Variants in A1CF observed in about 807,000 individuals in gnomAD.
A1CF encodes the protein APOBEC-1 stimulating protein.
A1CF carries 48 observed loss-of-function variants against 68.9 expected under a neutral mutation model. That is an observed-to-expected ratio of 0.70 (90% CI 0.55 to 0.89). The LOEUF (loss-of-function observed/expected upper bound fraction) is 0.89. A1CF is among the 40% of genes least tolerant of loss of function. The pLI is 0.00. For synonymous variants in A1CF, 272 were observed against 260.4 expected (o/e 1.04, Z -0.43); for missense variants, 653 against 718.9 (o/e 0.91, Z 1.05).
At chr10:50,842,093 C>A in intron 4 of A1CF, 101 bp from the exon 5 acceptor site, 2 of 1,127,358 alleles carry the variant, frequency 1.8e-6, no homozygotes, top group Admixed American at 2.6e-5. Flanking sequence ...ACACACAATG[C>A]TTTCTGAAGT....
intron 5 of A1CF, among the ~76,000 whole-genome samples, chr10:50,841,131 T>C (rs1839755309): frequency 6.6e-6 from 1 of 152,192 alleles, no homozygotes; most frequent in Admixed American, 6.5e-5. Context: ...TAAAAAACTA[T>C]AAATGTAATC....
chr10:50,810,725 T>G (rs970380176), intron 11 of A1CF, among the ~76,000 whole-genome samples: 1 of 152,200 alleles, frequency 6.6e-6, no homozygotes, highest in African/African-American at 2.4e-5. Context: ...TTGGCCAGGT[T>G]GGTCTCAAAC....
intron 10 of A1CF, among the ~76,000 whole-genome samples, chr10:50,812,467 A>T (rs1268244974): frequency 6.6e-6 from 1 of 152,192 alleles, no homozygotes; most frequent in Non-Finnish European, 1.5e-5. Context: ...GACATGATGA[A>T]TTTCTAACTT....
intron 7 of A1CF, among the ~76,000 whole-genome samples, chr10:50,821,764 C>T (rs1037808577): frequency 1.3e-5 from 2 of 151,872 alleles, no homozygotes; most frequent in Middle Eastern, 3.2e-3. Flanking sequence ...CTCGAACTCC[C>T]GACCTCAGGT....
rs1837849581 is a variant in A1CF at position 50,806,839 on chromosome 10, G to C, written c.1651C>G (p.Gln551Glu). ...CCAAGGGTTACCGCTTGCTTGAGCT[G>C]GGCTGCAGACACGGGTGCAGTTGCA... is the stretch of plus-strand genomic sequence containing the variant. ...PNATAPVSAA[Q>E]LKQAVTLGQD... The change falls in exon 13 of 13, where the codon CAG becomes GAG. Residue 551 changes from glutamine (Q) to glutamate (E), a missense_variant. Transcript: ENST00000373997. The C allele has an allele frequency of 6.2e-7, 1 of 1,613,472 alleles. No homozygotes were observed. The highest frequency in any genetic ancestry group is 8.5e-7 in the Non-Finnish European group (1 of 1,179,652).
chr10:50,851,269 G>A (rs1840229197), intron 3 of A1CF, among the ~76,000 whole-genome samples: 1 of 152,122 alleles, frequency 6.6e-6, no homozygotes, highest in Non-Finnish European at 1.5e-5. Context: ...GTCCTGTAGG[G>A]GTGTGAGGGT....
intron 3 of A1CF, among the ~76,000 whole-genome samples, chr10:50,844,327 G>T (rs912624770): frequency 5.9e-5 from 9 of 152,046 alleles, no homozygotes; most frequent in Admixed American, 2.0e-4. Context: ...GCTTGCTTGA[G>T]ATAAACATTG....
chr10:50,851,838 C>T (rs1055956435), intron 3 of A1CF, among the ~76,000 whole-genome samples: 6 of 152,174 alleles, frequency 3.9e-5, no homozygotes, highest in Admixed American at 2.6e-4. Context: ...ACTTCTTTAA[C>T]AATGTTACAA....
At chr10:50,844,446 C>T (rs1157253073) in intron 3 of A1CF, among the ~76,000 whole-genome samples, 1 of 151,874 alleles carries the variant, frequency 6.6e-6, no homozygotes, top group Non-Finnish European at 1.5e-5. Flanking sequence ...GTAAATAGAT[C>T]AGGGTAATTA....
intron 10 of A1CF, 77 bp from the exon 11 acceptor site, chr10:50,811,253 T>G: frequency 1.4e-6 from 2 of 1,446,502 alleles, no homozygotes; most frequent in Non-Finnish European, 1.9e-6. Context: ...GTTTTTAAAC[T>G]CTAATTTTCA....
intron 7 of A1CF, among the ~76,000 whole-genome samples, chr10:50,827,615 A>C (rs1839018689): frequency 6.6e-6 from 1 of 152,196 alleles, no homozygotes; most frequent in Non-Finnish European, 1.5e-5. Context: ...ACATACCAGA[A>C]TCTCTGGAAC....
chr10:50,812,260 G>T (rs1035908308), intron 10 of A1CF, among the ~76,000 whole-genome samples: 3 of 152,152 alleles, frequency 2.0e-5, no homozygotes, highest in African/African-American at 7.2e-5. Context: ...AGCTCTCACT[G>T]CTGACTTTGC....
chr10:50,850,898 C>T lies in A1CF; in HGVS notation c.100-6776G>A, dbSNP rs971607786. On this transcript the variant is annotated intron_variant, in intron 3 of 12. Coordinates refer to ENST00000373997, the MANE Select transcript of A1CF (RefSeq NM_014576.4). ...AAGAATGTGTAATTTATTCAATAGG[C>T]CCATCTAACTTTTTTGTTTACTTAC... The T allele has an allele frequency of 4.3e-6, 6 of 1,401,536 alleles. No individual in the cohort carries two copies. The Admixed American group carries it at 7.3e-5, about 17-fold the overall frequency. The allele number at this position is 1,401,536 out of a possible 1,614,324, so 86.8% of individuals were successfully genotyped here. A position where few individuals can be genotyped will look rare whatever the true frequency, so the allele number is the denominator to read the frequency against.
At chr10:50,880,867 G>A (rs1305999661) in intron 1 of A1CF, among the ~76,000 whole-genome samples, 1 of 152,168 alleles carries the variant, frequency 6.6e-6, no homozygotes, top group Non-Finnish European at 1.5e-5. Context: ...GTTAGTCACA[G>A]CATCTGGACT....
chr10:50,830,775 T>A (rs1054160734), intron 6 of A1CF, among the ~76,000 whole-genome samples: 1 of 152,182 alleles, frequency 6.6e-6, no homozygotes, highest in African/African-American at 2.4e-5. Flanking sequence ...ATTCTAAAAT[T>A]TGTATGGGGC....
chr10:50,862,531 A>G (rs1455264633), intron 2 of A1CF, among the ~76,000 whole-genome samples: 1 of 152,130 alleles, frequency 6.6e-6, no homozygotes, highest in African/African-American at 2.4e-5. Flanking sequence ...CTGCTGACTC[A>G]GGGCAATTCA....
rs1184367893 is a variant in A1CF, at chr10:50,872,082, A to C, written c.-93-8002T>G. 3.3e-5 allele frequency among the ~76,000 whole-genome samples: 5 copies of C among 152,226 alleles called. No homozygotes were observed. The South Asian group carries it at 1.0e-3, about 32-fold the overall frequency. The stretch of plus-strand genomic sequence containing the variant: ...GACACATATCAGTGGACAAATGAGC[A>C]AAGGAAATGAACTGTCAATTTAAAG... On this transcript the variant is annotated intron_variant, in intron 1 of 12. Transcript: ENST00000373997.
intron 8 of A1CF, among the ~76,000 whole-genome samples, chr10:50,818,651 A>T (rs1414282043): frequency 6.6e-6 from 1 of 152,190 alleles, no homozygotes; most frequent in Non-Finnish European, 1.5e-5. Flanking sequence ...ATGATACTAA[A>T]TGTGATCATC....
intron 4 of A1CF, 30 bp downstream of exon 4, chr10:50,843,958 A>T (rs1351503862): frequency 1.2e-6 from 2 of 1,611,968 alleles, no homozygotes; most frequent in Non-Finnish European, 1.7e-6. Context: ...TTGAACGATA[A>T]GAAAAATTAA....
Sources: gnomAD v4.1 joint callset for allele counts (sites outside exome capture counted in the v4.1 genomes callset) on GRCh38, gnomAD v4.1.1 for gene constraint, MANE v1.5 for transcripts, NCBI Gene and HGNC (gene_info 2026-07-23, HGNC 2026-07-21) for gene names.